MAN1C1: variants seen among roughly 807,000 people sequenced by gnomAD.
MAN1C1 encodes the protein mannosidase alpha class 1C member 1, also known as mannosyl-oligosaccharide 1,2-alpha-mannosidase IC.
MAN1C1 carries 49 observed loss-of-function variants against 71.5 expected under a neutral mutation model. The observed-to-expected ratio is 0.69, with a 90% CI of 0.54 to 0.87. The LOEUF (loss-of-function observed/expected upper bound fraction) is 0.87, where lower values mean the gene tolerates loss of function less well. Among genes scored for constraint, MAN1C1 ranks in the 40% least tolerant of loss-of-function variants. MAN1C1 has a pLI of 0.00. For synonymous variants in MAN1C1, 352 were observed against 343.7 expected (o/e 1.02, Z -0.27); for missense variants, 743 against 835.0 (o/e 0.89, Z 1.36).
intron 2 of MAN1C1, among the ~76,000 whole-genome samples, chr1:25,699,214 C>T (rs998723497): frequency 6.6e-6 from 1 of 150,832 alleles, no homozygotes; most frequent in Non-Finnish European, 1.5e-5. Context: ...GCAGGAGAAT[C>T]GCTTGAACCG....
chr1:25,656,246 C>T (rs2045765236), intron 1 of MAN1C1, among the ~76,000 whole-genome samples: 2 of 151,634 alleles, frequency 1.3e-5, no homozygotes, highest in South Asian at 4.2e-4. Context: ...TACAGGCATG[C>T]ACCACCATGC....
At chr1:25,640,524 T>G (rs1005921381) in intron 1 of MAN1C1, among the ~76,000 whole-genome samples, 11 of 152,176 alleles carry the variant, frequency 7.2e-5, no homozygotes, top group Non-Finnish European at 1.3e-4. Context: ...TGTTTTTTAA[T>G]TATAAGAATC....
intron 1 of MAN1C1, among the ~76,000 whole-genome samples, chr1:25,660,397 T>A (rs112525277): frequency 1.4e-5 from 1 of 71,644 alleles, no homozygotes; most frequent in South Asian, 4.9e-4. Context: ...GTGAAATTCC[T>A]TTTTTTTTTT....
intron 2 of MAN1C1, among the ~76,000 whole-genome samples, chr1:25,695,136 GC>G (rs1265994667): frequency 1.3e-5 from 2 of 152,108 alleles, no homozygotes; most frequent in African/African-American, 4.8e-5. Context: ...TCAGTGTTGG[GC>G]TATGTTGCTC....
chr1:25,712,997 A>G (rs1194642362), intron 2 of MAN1C1, among the ~76,000 whole-genome samples: 3 of 152,248 alleles, frequency 2.0e-5, no homozygotes, highest in Non-Finnish European at 4.4e-5. Flanking sequence ...TCATCTATGC[A>G]GTTGTCCAAT....
intron 2 of MAN1C1, among the ~76,000 whole-genome samples, chr1:25,708,326 C>T (rs1020734478): frequency 3.9e-5 from 6 of 152,230 alleles, no homozygotes; most frequent in South Asian, 2.1e-4. Flanking sequence ...ATAGTCATGG[C>T]GCTGGTGGGA....
rs1437573386 is a variant in MAN1C1, at chr1:25,771,995, T to G, written c.1257+223T>G. The G allele has an allele frequency of 7.6e-6, 4 of 528,056 alleles. No homozygotes were observed. The African/African-American group carries it at 7.8e-5, about 10-fold the overall frequency. 32.7% of individuals were successfully genotyped at this position (528,056 alleles called of 1,614,324 possible). A position where few individuals can be genotyped will look rare whatever the true frequency, so the allele number is the denominator to read the frequency against. On this transcript the variant is annotated intron_variant, in intron 8 of 11. Transcript: ENST00000374332. ...TCTAAGACTGGGGCTTTGTTAGATG[T>G]GAAACCTAAGCTCTGGGAGGTGAAG...
Position 25,782,810 on chromosome 1 carries a change from A to G in MAN1C1, c.1766+110A>G, listed in dbSNP as rs952099854. 1.2e-6 allele frequency: 1 copy of G among 803,130 alleles called. No homozygotes were observed. Among genetic ancestry groups the G allele is most frequent in the Non-Finnish European group, 2.1e-6 (1 of 485,454 alleles). The allele number at this position is 803,130 out of a possible 1,614,324, so 49.8% of individuals were successfully genotyped here. The stretch of plus-strand genomic sequence containing the variant: ...TCTGTGGTCACAGGACGGGAGCCCA[A>G]AAGGGGTGAAGGGCTTGGGATCCAG... On this transcript the variant is annotated intron_variant, in intron 11 of 11. Coordinates refer to ENST00000374332, the MANE Select transcript of MAN1C1 (RefSeq NM_020379.4). The surrounding 1 kb of genome is among the most constrained non-coding windows in gnomAD (Gnocchi z 4.4).
chr1:25,674,586 G>A (rs538309240), intron 1 of MAN1C1, among the ~76,000 whole-genome samples: 1 of 152,310 alleles, frequency 6.6e-6, no homozygotes, highest in African/African-American at 2.4e-5. Context: ...CCTGGGCACT[G>A]AAAGATGAGT....
At chr1:25,691,160 T>C (rs2046303720) in intron 2 of MAN1C1, among the ~76,000 whole-genome samples, 1 of 151,996 alleles carries the variant, frequency 6.6e-6, no homozygotes, top group African/African-American at 2.4e-5. Context: ...CTACTAAAAA[T>C]ACAAAAATTA....
chr1:25,669,896 C>T lies in MAN1C1; in HGVS notation c.541-16544C>T, dbSNP rs533099221. ...ACTACCCATGAATGTTGGTAGTTCT[C>T]AGGCCCCCTTCTTGAGTCCAGGAAA... On this transcript the variant is annotated intron_variant, in intron 1 of 11. Coordinates refer to ENST00000374332, the MANE Select transcript of MAN1C1 (RefSeq NM_020379.4). Among the ~76,000 whole-genome samples the T allele has an allele frequency of 2.6e-5, 4 of 152,358 alleles. No homozygotes were observed. The South Asian group carries it at 6.2e-4, about 24-fold the overall frequency.
chr1:25,632,829 C>T (rs1290040959), intron 1 of MAN1C1, among the ~76,000 whole-genome samples: 1 of 150,992 alleles, frequency 6.6e-6, no homozygotes, highest in African/African-American at 2.4e-5. Flanking sequence ...TAGCTTTATT[C>T]CACTGCGGTC....
At position 25,779,421 on chromosome 1, in the gene MAN1C1, A is replaced by G. The variant is rs1039633357; in HGVS notation, c.1477+1097A>G. 8.5e-5 allele frequency among the ~76,000 whole-genome samples: 13 copies of G among 152,136 alleles called. No homozygotes were observed. Among genetic ancestry groups the G allele is most frequent in the East Asian group, 3.9e-4 (2 of 5,172 alleles). On this transcript the variant is annotated intron_variant, in intron 9 of 11. Coordinates refer to ENST00000374332, the MANE Select transcript of MAN1C1 (RefSeq NM_020379.4). This position sits in a 1 kb window ranked among gnomAD's most constrained non-coding sequence, Gnocchi z 4.6. Reference sequence around the variant, plus strand: ...ATGTGTCTGTGCCCGCCCCAGCTGAATGGGGTCTCCTGGAGCTGTTTCCAG... The same window carrying G: ...ATGTGTCTGTGCCCGCCCCAGCTGAGTGGGGTCTCCTGGAGCTGTTTCCAG...
intron 10 of MAN1C1, among the ~76,000 whole-genome samples, chr1:25,781,423 AGGCACCACGC>A (rs2047692748): frequency 1.4e-5 from 2 of 146,216 alleles, no homozygotes; most frequent in South Asian, 4.2e-4. Context: ...AGCACCACGC[AGGCACCACGC>A]GGCCACCGCT....
At chr1:25,657,369 A>G (rs1353952182) in intron 1 of MAN1C1, among the ~76,000 whole-genome samples, 1 of 152,232 alleles carries the variant, frequency 6.6e-6, no homozygotes, top group Non-Finnish European at 1.5e-5. Context: ...CAGCCTGGCC[A>G]GGATGCAGCT....
chr1:25,682,422 T>C (rs188849617), intron 1 of MAN1C1, among the ~76,000 whole-genome samples: 1 of 152,104 alleles, frequency 6.6e-6, no homozygotes, highest in African/African-American at 2.4e-5. Context: ...GGCACAGAGG[T>C]GACCAGAGCG....
chr1:25,698,804 C>T (rs914258468), intron 2 of MAN1C1, among the ~76,000 whole-genome samples: 13 of 151,820 alleles, frequency 8.6e-5, no homozygotes, highest in African/African-American at 2.7e-4. Context: ...ACAAAATTAG[C>T]TGGGCATGGT....
At chr1:25,687,242 AT>A (rs2046245290) in intron 2 of MAN1C1, among the ~76,000 whole-genome samples, 1 of 152,110 alleles carries the variant, frequency 6.6e-6, no homozygotes, top group Admixed American at 6.5e-5. Flanking sequence ...GGCAACTCGT[AT>A]TTTATCTGCA....
intron 1 of MAN1C1, among the ~76,000 whole-genome samples, chr1:25,625,663 A>C (rs75665594): frequency 0.05 from 7,629 of 152,146 alleles, 636 homozygotes; most frequent in African/African-American, 0.17. Context: ...CTCTTTCTCT[A>C]TATATAAAAT....
Sources: gnomAD v4.1 joint callset for allele counts (sites outside exome capture counted in the v4.1 genomes callset) on GRCh38, gnomAD v4.1.1 for gene constraint, Gnocchi (gnomAD v3.1) non-coding constraint, MANE v1.5 for transcripts, NCBI Gene and HGNC (gene_info 2026-07-23, HGNC 2026-07-21) for gene names.